SCN8A: variants seen among roughly 807,000 people sequenced by gnomAD.
SCN8A encodes the protein sodium channel protein type 8 subunit alpha.
SCN8A carries 30 observed loss-of-function variants against 184.1 expected under a neutral mutation model. The observed-to-expected ratio is 0.16, with a 90% CI of 0.12 to 0.22. The LOEUF is 0.22. SCN8A is among the 10% of genes least tolerant of loss of function. SCN8A has a pLI of 1.00. For synonymous variants in SCN8A, 852 were observed against 907.0 expected (o/e 0.94, Z 1.09); for missense variants, 1,057 against 2,498.9 (o/e 0.42, Z 12.30).
At chr12:51,618,416 T>G (rs544418557) in intron 1 of SCN8A, among the ~76,000 whole-genome samples, 6 of 151,172 alleles carry the variant, frequency 4.0e-5, no homozygotes, top group Admixed American at 1.3e-4. Flanking sequence ...CAGTTCTGGA[T>G]TTGGCTGCCT....
chr12:51,645,642 G>T (rs1003210516), intron 1 of SCN8A, among the ~76,000 whole-genome samples: 11 of 152,070 alleles, frequency 7.2e-5, no homozygotes, highest in Non-Finnish European at 1.0e-4. Flanking sequence ...CCTGTTGATC[G>T]GTGACCTTAC....
chr12:51,632,978 A>T (rs1030416867), intron 1 of SCN8A, among the ~76,000 whole-genome samples: 1 of 152,040 alleles, frequency 6.6e-6, no homozygotes, highest in African/African-American at 2.4e-5. Context: ...TATATTTCTG[A>T]TCTATACAAT....
At chr12:51,787,679 ATT>A (rs988954095) in intron 22 of SCN8A, among the ~76,000 whole-genome samples, 1 of 152,218 alleles carries the variant, frequency 6.6e-6, no homozygotes, top group Non-Finnish European at 1.5e-5. Flanking sequence ...GCTATTAAGT[ATT>A]TTTGTTACTA....
intron 6 of SCN8A, among the ~76,000 whole-genome samples, chr12:51,692,346 G>A (rs985023097): frequency 2.6e-5 from 4 of 152,148 alleles, no homozygotes; most frequent in African/African-American, 4.8e-5. Flanking sequence ...TGTCAGGGCC[G>A]CCAGGACTCC....
At chr12:51,731,531 A>C (rs1230271559) in intron 12 of SCN8A, among the ~76,000 whole-genome samples, 1 of 152,178 alleles carries the variant, frequency 6.6e-6, no homozygotes, top group Non-Finnish European at 1.5e-5. Context: ...GATTACAGGC[A>C]TGAGCCACCA....
intron 1 of SCN8A, among the ~76,000 whole-genome samples, chr12:51,607,466 G>A (rs955715153): frequency 4.6e-5 from 7 of 152,012 alleles, no homozygotes; most frequent in African/African-American, 1.7e-4. Flanking sequence ...GTACTATGTT[G>A]AAGACAAGTG....
chr12:51,696,171 T>C (rs891282036), intron 6 of SCN8A, among the ~76,000 whole-genome samples: 1 of 152,174 alleles, frequency 6.6e-6, no homozygotes, highest in Non-Finnish European at 1.5e-5. Context: ...AGTCATCTGG[T>C]GTTTGGAAAG....
intron 1 of SCN8A, among the ~76,000 whole-genome samples, chr12:51,611,326 T>C (rs1223382890): frequency 6.6e-6 from 1 of 152,002 alleles, no homozygotes; most frequent in African/African-American, 2.4e-5. Flanking sequence ...CACGCCTGGC[T>C]AATTTCTTTG....
At chr12:51,631,576 A>G (rs1348320738) in intron 1 of SCN8A, among the ~76,000 whole-genome samples, 1 of 152,210 alleles carries the variant, frequency 6.6e-6, no homozygotes, top group Non-Finnish European at 1.5e-5. Flanking sequence ...TGTGAAAATT[A>G]TGGATGATAG....
intron 2 of SCN8A, among the ~76,000 whole-genome samples, chr12:51,677,056 G>GTTTTA (rs58540656): frequency 0.16 from 21,463 of 133,036 alleles, 2,308 homozygotes; most frequent in East Asian, 0.41. Context: ...TTATTGTTTT[G>GTTTTA]TTTTATTTTA....
intron 11 of SCN8A, among the ~76,000 whole-genome samples, chr12:51,708,034 T>C (rs1941813590): frequency 6.6e-6 from 1 of 152,184 alleles, no homozygotes; most frequent in South Asian, 2.1e-4. Context: ...CCCTAGACTA[T>C]GTGATCACCT....
At chr12:51,740,745 G>A (rs1179727404) in intron 12 of SCN8A, among the ~76,000 whole-genome samples, 1 of 152,186 alleles carries the variant, frequency 6.6e-6, no homozygotes, top group Non-Finnish European at 1.5e-5. Flanking sequence ...TCTGTCCAGT[G>A]CTGAAAGTGG....
intron 11 of SCN8A, among the ~76,000 whole-genome samples, chr12:51,708,250 TA>T (rs1001524709): frequency 3.3e-5 from 5 of 152,222 alleles, no homozygotes; most frequent in African/African-American, 1.2e-4. Context: ...ACTGATTAAT[TA>T]TTCTGGATAT....
intron 16 of SCN8A, among the ~76,000 whole-genome samples, chr12:51,766,678 T>A (rs1197194947): frequency 1.3e-5 from 2 of 152,220 alleles, no homozygotes; most frequent in African/African-American, 4.8e-5. Context: ...CTCTTCTACC[T>A]CTGTCTTTAG....
intron 2 of SCN8A, among the ~76,000 whole-genome samples, chr12:51,664,508 T>G (rs141860228): frequency 1.2e-3 from 176 of 152,196 alleles, no homozygotes; most frequent in African/African-American, 4.1e-3. Context: ...GCACCTGGCC[T>G]TATTATTTAC....
chr12:51,655,060 A>G (rs1940793898), intron 1 of SCN8A, among the ~76,000 whole-genome samples: 1 of 152,034 alleles, frequency 6.6e-6, no homozygotes, highest in African/African-American at 2.4e-5. Context: ...CACCACGCCC[A>G]GCTAATTTTT....
intron 20 of SCN8A, among the ~76,000 whole-genome samples, 152 bp from the exon 21 acceptor site, chr12:51,780,496 TG>T (rs913515275): frequency 7.2e-6 from 1 of 138,774 alleles, no homozygotes; most frequent in Non-Finnish European, 1.5e-5. Flanking sequence ...TTCCTCTACC[TG>T]GGGGGCCCAA....
At chr12:51,678,873 C>G (rs547551674) in intron 2 of SCN8A, among the ~76,000 whole-genome samples, 1 of 151,578 alleles carries the variant, frequency 6.6e-6, no homozygotes, top group Non-Finnish European at 1.5e-5. Flanking sequence ...GTCAGGAGAT[C>G]GAGACCATCC....
intron 23 of SCN8A, 137 bp downstream of exon 23, chr12:51,788,885 T>G: frequency 1.6e-6 from 1 of 636,822 alleles, no homozygotes. Flanking sequence ...CATTTATTGC[T>G]TGTGTTATTG....
Sources: allele counts gnomAD v4.1 joint callset (sites outside exome capture counted in the v4.1 genomes callset), GRCh38; gene constraint gnomAD v4.1.1; transcripts MANE v1.5; gene names NCBI Gene and HGNC (gene_info 2026-07-23, HGNC 2026-07-21).